DGKB: variants seen among roughly 807,000 people sequenced by gnomAD.
DGKB encodes 90 kDa diacylglycerol kinase.
DGKB carries 67 observed loss-of-function variants against 114.3 expected under a neutral mutation model. The ratio of observed to expected loss-of-function variants is 0.59; its 90% confidence interval spans 0.48 to 0.72. DGKB has a LOEUF of 0.72. Ranked by LOEUF, DGKB falls within the 30% of genes least tolerant of loss-of-function variation. The probability of loss-of-function intolerance (pLI) is 0.00; values close to 1 mark genes in which losing one functional copy is unlikely to be tolerated. For missense variants in DGKB, 907 were observed against 975.2 expected (o/e 0.93, Z 0.93); for synonymous variants, 398 against 323.1 (o/e 1.23, Z -2.49).
At chr7:14,267,339 G>A (rs755024677) in intron 23 of DGKB, among the ~76,000 whole-genome samples, 4 of 152,230 alleles carry the variant, frequency 2.6e-5, no homozygotes, top group African/African-American at 9.6e-5. Flanking sequence ...GAAGAAGAAG[G>A]TGGACCTAGG....
At chr7:14,806,920 T>G (rs1227236513) in intron 2 of DGKB, among the ~76,000 whole-genome samples, 3 of 151,972 alleles carry the variant, frequency 2.0e-5, no homozygotes, top group African/African-American at 7.2e-5. Context: ...GATGCCAATT[T>G]CAGGACTTTC....
At chr7:14,200,752 TA>T (rs200692756) in intron 23 of DGKB, among the ~76,000 whole-genome samples, 5 of 151,610 alleles carry the variant, frequency 3.3e-5, no homozygotes, top group African/African-American at 1.2e-4. Flanking sequence ...CACTAACATG[TA>T]AAAAAAACGT....
intron 23 of DGKB, among the ~76,000 whole-genome samples, chr7:14,254,384 A>C (rs1362907854): frequency 6.6e-6 from 1 of 152,214 alleles, no homozygotes; most frequent in Non-Finnish European, 1.5e-5. Flanking sequence ...TGATCTTGAT[A>C]TCACATGATA....
At chr7:14,211,013 C>T (rs1323261326) in intron 23 of DGKB, among the ~76,000 whole-genome samples, 1 of 152,030 alleles carries the variant, frequency 6.6e-6, no homozygotes, top group African/African-American at 2.4e-5. Context: ...ATGTTATGTT[C>T]CCCTACAGCT....
intron 9 of DGKB, among the ~76,000 whole-genome samples, chr7:14,689,199 A>ATTTTTTTTTTG (rs1822296633): frequency 1.3e-5 from 1 of 76,566 alleles, no homozygotes; most frequent in Non-Finnish European, 2.6e-5. Context: ...AACTCCTCTT[A>ATTTTTTTTTTG]TTTTTTTTTT....
chr7:14,917,021 T>G (rs79221448), intron 1 of DGKB, among the ~76,000 whole-genome samples: 4,332 of 152,156 alleles, frequency 0.028, 213 homozygotes, highest in African/African-American at 0.1. Context: ...TTAAACAGCA[T>G]TTTTAAATAA....
At chr7:14,807,670 C>T (rs1434390925) in intron 2 of DGKB, among the ~76,000 whole-genome samples, 2 of 151,980 alleles carry the variant, frequency 1.3e-5, no homozygotes, top group Admixed American at 1.3e-4. Flanking sequence ...GCTCAACATG[C>T]ATCCTCTCTT....
intron 13 of DGKB, among the ~76,000 whole-genome samples, chr7:14,640,545 T>G (rs1811574462): frequency 6.6e-6 from 1 of 152,184 alleles, no homozygotes; most frequent in Non-Finnish European, 1.5e-5. Context: ...CTGATAGATT[T>G]TTATCAACTG....
intron 6 of DGKB, among the ~76,000 whole-genome samples, chr7:14,708,945 A>G (rs1346065066): frequency 6.6e-6 from 1 of 151,470 alleles, no homozygotes; most frequent in Admixed American, 6.6e-5. Flanking sequence ...CAATGGCAAC[A>G]AAAGCCAAAA....
intron 21 of DGKB, among the ~76,000 whole-genome samples, chr7:14,415,666 A>C (rs1377386414): frequency 6.6e-6 from 1 of 152,140 alleles, no homozygotes; most frequent in South Asian, 2.1e-4. Context: ...AATCCAGTCT[A>C]TCATTATTGG....
At chr7:14,887,707 T>A (rs1193564238) in intron 1 of DGKB, among the ~76,000 whole-genome samples, 1 of 151,786 alleles carries the variant, frequency 6.6e-6, no homozygotes. Flanking sequence ...ATCACTCTTG[T>A]TCCTCTTGCC....
At chr7:14,800,266 A>T (rs1225262050) in intron 2 of DGKB, among the ~76,000 whole-genome samples, 1 of 152,180 alleles carries the variant, frequency 6.6e-6, no homozygotes, top group Non-Finnish European at 1.5e-5. Flanking sequence ...CCCCAGTGTG[A>T]TGGTTACTAC....
rs138916889 is a variant in DGKB, at chr7:14,803,929, C to T, written c.70+37265G>A. Among the ~76,000 whole-genome samples the T allele has an allele frequency of 9.2e-5, 14 of 152,108 alleles. No individual in the cohort carries two copies. In the East Asian group the frequency reaches 9.6e-4, roughly 10 times the overall value. On this transcript the variant is annotated intron_variant, in intron 2 of 25. Transcript: ENST00000402815. ...ATGCTTTATTCAAAAATGAACATCT[C>T]CCTTAGTTTCTGTGGAATCATTATC...
chr7:14,604,357 C>G (rs1434577464), intron 17 of DGKB, among the ~76,000 whole-genome samples: 2 of 151,932 alleles, frequency 1.3e-5, no homozygotes, highest in Non-Finnish European at 2.9e-5. Flanking sequence ...AAAGTTATTT[C>G]CTCTTATAAA....
In DGKB at chr7:14,952,277, T is replaced by C. The variant is rs138688671; in HGVS notation, c.-188+22419A>G. 2.4e-4 allele frequency among the ~76,000 whole-genome samples: 36 copies of C among 152,114 alleles called. 1 individual carries two copies. The East Asian group carries it at 7.0e-3, about 30-fold the overall frequency. ...AATCTTAGACTTCTAGCCTCCAAAA[T>C]TATAAGACTATAAATCTCTGTTGCC... On this transcript the variant is annotated intron_variant, in intron 1 of 4. Coordinates refer to the DGKB transcript ENST00000437998.
At chr7:14,297,749 G>A (rs565603713) in intron 23 of DGKB, among the ~76,000 whole-genome samples, 8 of 152,196 alleles carry the variant, frequency 5.3e-5, no homozygotes, top group African/African-American at 1.9e-4. Flanking sequence ...CAGATAGGAA[G>A]AGAGGAAATC....
chr7:14,677,238 G>A (rs978762060), intron 12 of DGKB, among the ~76,000 whole-genome samples: 2 of 151,874 alleles, frequency 1.3e-5, no homozygotes, highest in Non-Finnish European at 2.9e-5. Flanking sequence ...AGAAGAAAAT[G>A]GGATCTGAGA....
chr7:14,490,300 G>C (rs1001072374), intron 20 of DGKB, among the ~76,000 whole-genome samples: 59 of 152,124 alleles, frequency 3.9e-4, no homozygotes, highest in African/African-American at 1.3e-3. Context: ...AGAGAATCAA[G>C]CTTTATTATA....
intron 23 of DGKB, among the ~76,000 whole-genome samples, chr7:14,224,024 T>G (rs569052388): frequency 6.6e-6 from 1 of 151,884 alleles, no homozygotes; most frequent in South Asian, 2.1e-4. Context: ...TTTCTTCACG[T>G]TTATCCTATT....
Sources: allele counts gnomAD v4.1 joint callset (sites outside exome capture counted in the v4.1 genomes callset), GRCh38; gene constraint gnomAD v4.1.1; transcripts MANE v1.5; gene names NCBI Gene and HGNC (gene_info 2026-07-23, HGNC 2026-07-21).